PALLD: variants seen among roughly 807,000 people sequenced by gnomAD.
PALLD encodes the protein palladin.
A neutral mutation model predicts 123.5 loss-of-function variants in PALLD; 61 were observed. The ratio of observed to expected loss-of-function variants is 0.49; its 90% CI spans 0.40 to 0.61. The LOEUF is 0.61. Ranked by LOEUF, PALLD falls within the 20% of genes least tolerant of loss-of-function variation. The pLI, the probability that PALLD is intolerant of heterozygous loss-of-function variation, is 0.00. For missense variants in PALLD, 1,273 were observed against 1,377.0 expected, an observed-to-expected ratio of 0.92 and a Z score of 1.20; for synonymous variants, 465 against 496.4, an observed-to-expected ratio of 0.94 and a Z score of 0.84.
chr4:168,652,479 A>G (rs1347645418), intron 2 of PALLD, among the ~76,000 whole-genome samples: 1 of 152,044 alleles, frequency 6.6e-6, no homozygotes, highest in African/African-American at 2.4e-5. Context: ...TTTATTTTTT[A>G]TATGTTTTTA....
At position 168,596,687 on chromosome 4, in the gene PALLD, C is replaced by T. The variant is rs141813035; in HGVS notation, c.909-71503C>T. On this transcript the variant is annotated intron_variant, in intron 2 of 21. Coordinates refer to ENST00000505667, the MANE Select transcript of PALLD (RefSeq NM_001166108.2). ...ATAGATTGGGTCCTATAGATTTCCT[C>T]ACCAATTCCAAGTATAGACTAACTT... Among the ~76,000 whole-genome samples the T allele has an allele frequency of 4.9e-4, 73 of 149,132 alleles. No homozygotes were observed. In the East Asian group the frequency reaches 0.011, roughly 23 times the overall value.
At chr4:168,773,935 A>G (rs1734796364) in intron 10 of PALLD, among the ~76,000 whole-genome samples, 1 of 152,142 alleles carries the variant, frequency 6.6e-6, no homozygotes, top group South Asian at 2.1e-4. Context: ...TTCATTTTCA[A>G]TTTAACCATG....
At chr4:168,866,550 T>C (rs926602648) in intron 10 of PALLD, among the ~76,000 whole-genome samples, 4 of 152,218 alleles carry the variant, frequency 2.6e-5, no homozygotes, top group Non-Finnish European at 5.9e-5. Flanking sequence ...GGTTTCATCT[T>C]CCTGTTCACA....
In PALLD at chr4:168,926,333, A is replaced by G. The variant is rs535118290; in HGVS notation, c.*153A>G. The G allele has an allele frequency of 1.2e-5, 18 of 1,537,406 alleles. No homozygotes were observed. The highest frequency in any genetic ancestry group is 2.4e-5 in the East Asian group (1 of 40,920). On this transcript the variant is annotated 3_prime_UTR_variant, in exon 22 of 22. Coordinates refer to ENST00000505667, the MANE Select transcript of PALLD (RefSeq NM_001166108.2). Reference sequence around the variant, plus strand: ...AAAGCAGCGTTCCAACCTGAGGCCAACCCATCTCACCTGACACTGAATACT... The same window carrying G: ...AAAGCAGCGTTCCAACCTGAGGCCAGCCCATCTCACCTGACACTGAATACT...
At chr4:168,661,661 A>G (rs1041504445) in intron 2 of PALLD, among the ~76,000 whole-genome samples, 3 of 152,220 alleles carry the variant, frequency 2.0e-5, no homozygotes, top group Admixed American at 1.3e-4. Context: ...TTGTGTGGCA[A>G]TTACATAGCT....
chr4:168,665,699 G>T lies in PALLD; in HGVS notation c.909-2491G>T, dbSNP rs190595974. ...TCTTAAAGTGCACATGATCACCTAG[G>T]GGATCTGAACTGATTCAGTAGATTT... On this transcript the variant is annotated intron_variant, in intron 2 of 21. Coordinates refer to ENST00000505667, the MANE Select transcript of PALLD (RefSeq NM_001166108.2). Among the ~76,000 whole-genome samples, 13 of 152,260 alleles carry T rather than the reference G, an allele frequency of 8.5e-5. No homozygotes were observed. In the East Asian group the frequency reaches 2.5e-3, roughly 29 times the overall value.
intron 10 of PALLD, among the ~76,000 whole-genome samples, chr4:168,716,373 A>G (rs1360892823): frequency 6.6e-6 from 1 of 152,208 alleles, no homozygotes; most frequent in Non-Finnish European, 1.5e-5. Flanking sequence ...TTTGCCTGGG[A>G]AAATAATAAT....
chr4:168,739,020 C>G (rs1026561510), intron 10 of PALLD, among the ~76,000 whole-genome samples: 1 of 152,144 alleles, frequency 6.6e-6, no homozygotes, highest in Non-Finnish European at 1.5e-5. Flanking sequence ...GTGGAACATG[C>G]AATATTTGTT....
At position 168,512,064 on chromosome 4, in the gene PALLD, A is replaced by G; in HGVS notation, c.560A>G (p.Lys187Arg). 6.2e-7 allele frequency: 1 copy of G among 1,614,250 alleles called. No individual in the cohort carries two copies. The highest frequency in any genetic ancestry group is 8.5e-7 in the Non-Finnish European group (1 of 1,180,038). ...EELTSIFKAA[K>R]PRNRSPNGES... ...CTAACATCCATATTTAAAGCCGCAA[A>G]GCCAAGAAACAGAAGCCCAAATGGG... The change falls in exon 2 of 22, where the codon AAG becomes AGG. Residue 187 changes from lysine (K) to arginine (R), a missense_variant. Physicochemically the swap from Lys to Arg is conservative, Grantham distance 26. Around this residue, in one of 2 missense-constraint regions of PALLD, gnomAD observed 944 missense variants for 954.5 expected, o/e 0.99. Transcript: ENST00000505667.
In PALLD at chr4:168,715,349, C is replaced by T. The variant is rs1377674836; in HGVS notation, c.1964+3426C>T. Among the ~76,000 whole-genome samples, 5 of 152,308 alleles carry T rather than the reference C, an allele frequency of 3.3e-5. No individual in the cohort carries two copies. The East Asian group carries it at 5.8e-4, about 18-fold the overall frequency. ...TGACCTGCACACAGGATTTGTGCAA[C>T]GCCTTACCACCCGCTGTGGGACTGC... is the stretch of plus-strand genomic sequence containing the variant. On this transcript the variant is annotated intron_variant, in intron 10 of 21. Transcript: ENST00000505667.
intron 10 of PALLD, among the ~76,000 whole-genome samples, chr4:168,858,480 C>A (rs1019132671): frequency 6.6e-6 from 1 of 152,080 alleles, no homozygotes; most frequent in African/African-American, 2.4e-5. Context: ...AATAACAATA[C>A]CTTGGTTCAG....
intron 10 of PALLD, among the ~76,000 whole-genome samples, chr4:168,737,659 C>A (rs1787893019): frequency 1.3e-5 from 2 of 152,106 alleles, no homozygotes; most frequent in Non-Finnish European, 2.9e-5. Context: ...GAAGGTGTGG[C>A]AGTTTTGTCA....
At chr4:168,816,415 T>TA (rs35097396) in intron 10 of PALLD, among the ~76,000 whole-genome samples, 7,055 of 135,934 alleles carry the variant, frequency 0.052, 204 homozygotes, top group Admixed American at 0.099. Flanking sequence ...ATATATATAT[T>TA]TTTTTTAAGT....
intron 10 of PALLD, among the ~76,000 whole-genome samples, chr4:168,749,148 C>CCCT (rs1730701110): frequency 6.6e-6 from 1 of 152,094 alleles, no homozygotes; most frequent in South Asian, 2.1e-4. Context: ...CTGCCACTCT[C>CCCT]TCTCTCTTGC....
intron 10 of PALLD, among the ~76,000 whole-genome samples, chr4:168,784,924 G>A (rs918955681): frequency 4.6e-5 from 7 of 152,090 alleles, no homozygotes; most frequent in Admixed American, 1.3e-4. Context: ...CTTTCCTGTC[G>A]GAGCAGTGGC....
chr4:168,684,533 A>G (rs1025108814), intron 5 of PALLD, among the ~76,000 whole-genome samples: 8 of 152,222 alleles, frequency 5.3e-5, no homozygotes, highest in African/African-American at 1.9e-4. Context: ...AGATGATAAC[A>G]CTATGTATCT....
intron 2 of PALLD, among the ~76,000 whole-genome samples, chr4:168,618,362 G>A (rs546383359): frequency 3.3e-5 from 5 of 152,188 alleles, no homozygotes; most frequent in Non-Finnish European, 7.3e-5. Context: ...GGGGATAGCA[G>A]AAACTCTCTC....
At chr4:168,567,102 T>G (rs1268469323) in intron 2 of PALLD, among the ~76,000 whole-genome samples, 1 of 152,180 alleles carries the variant, frequency 6.6e-6, no homozygotes, top group Non-Finnish European at 1.5e-5. Context: ...TAGCCAAATT[T>G]TAGTAGCATC....
At chr4:168,832,000 G>T in intron 10 of PALLD, 1 of 985,458 alleles carries the variant, frequency 1.0e-6, no homozygotes, top group South Asian at 4.7e-5. Flanking sequence ...CGCGCCGCCG[G>T]ACTCTTATTT....
Sources: allele counts gnomAD v4.1 joint callset (sites outside exome capture counted in the v4.1 genomes callset), GRCh38; gene constraint gnomAD v4.1.1; regional missense constraint gnomAD v4.1.1; transcripts MANE v1.5; gene names NCBI Gene and HGNC (gene_info 2026-07-23, HGNC 2026-07-21).